Variants in COP1 observed in about 807,000 individuals in gnomAD.
The protein encoded by COP1 is COP1 E3 ubiquitin ligase.
A neutral mutation model predicts 101.3 loss-of-function variants in COP1; 24 were observed. The observed-to-expected ratio is 0.24, with a 90% confidence interval of 0.17 to 0.33. COP1 has a LOEUF of 0.33. COP1 is among the 10% of genes least tolerant of loss of function. The pLI is 1.00. For missense variants in COP1, 663 were observed against 906.2 expected (o/e 0.73, Z 3.45); for synonymous variants, 347 against 341.9 (o/e 1.01, Z -0.17).
chr1:176,048,968 C>T (rs1294271073), intron 11 of COP1, among the ~76,000 whole-genome samples: 1 of 150,016 alleles, frequency 6.7e-6, no homozygotes, highest in African/African-American at 2.5e-5. Context: ...GTCAGGAGAT[C>T]GAGACCATCC....
In COP1 at chr1:175,998,973, A is replaced by T. The variant is rs1245418875; in HGVS notation, c.1730-9494T>A. ...TAAAGATATGCTCCAGTACTTGCAA[A>T]GCAGAGCACAACTGATGGGTTTCTA... On this transcript the variant is annotated intron_variant, in intron 15 of 19. Coordinates refer to ENST00000367669, the MANE Select transcript of COP1 (RefSeq NM_022457.7). Among the ~76,000 whole-genome samples, 3 of 152,106 alleles carry T rather than the reference A, an allele frequency of 2.0e-5. No individual in the cohort carries two copies. In the South Asian group the frequency reaches 6.2e-4, roughly 31 times the overall value.
chr1:176,206,945 C>T lies in COP1; in HGVS notation c.34G>A (p.Ala12Thr). 6.9e-7 allele frequency: 1 copy of T among 1,450,716 alleles called. No homozygotes were observed. The highest frequency in any genetic ancestry group is 9.0e-7 in the Non-Finnish European group (1 of 1,105,486). The allele number at this position is 1,450,716 out of a possible 1,614,324, so 89.9% of individuals were successfully genotyped here. ...GCCGAGGACCCGGGGCTTGTCCCAG[C>T]GGAGCCCGACCCGGCCTGGCGGCTA... ...SGSRQAGSGS[A>T]GTSPGSSAAS... Residue 12 changes from alanine (A) to threonine (T), a missense_variant, in exon 1 of 20, where the codon GCT becomes ACT. Physicochemically the swap from Ala to Thr is moderately conservative, Grantham distance 58 (BLOSUM62 0). Coordinates refer to ENST00000367669, the MANE Select transcript of COP1 (RefSeq NM_022457.7).
chr1:176,108,848 T>C (rs1253233441), intron 9 of COP1, among the ~76,000 whole-genome samples: 1 of 152,170 alleles, frequency 6.6e-6, no homozygotes, highest in Non-Finnish European at 1.5e-5. Flanking sequence ...GAGCGGTGGC[T>C]CATGCCTCTA....
chr1:176,168,327 GATTACAGGCGTGAGCC>G, intron 3 of COP1, among the ~76,000 whole-genome samples: 1 of 150,996 alleles, frequency 6.6e-6, no homozygotes, highest in South Asian at 2.1e-4. Flanking sequence ...AAAGTGCTGG[GATTACAGGCGTGAGCC>G]ACCACCCCTG....
At chr1:175,970,155 A>G (rs921412265) in intron 18 of COP1, among the ~76,000 whole-genome samples, 7 of 152,176 alleles carry the variant, frequency 4.6e-5, no homozygotes, top group Non-Finnish European at 8.8e-5. Context: ...GAAGCATAAC[A>G]AACAATTCAA....
At chr1:176,105,946 A>T (rs969630878) in intron 9 of COP1, among the ~76,000 whole-genome samples, 5 of 152,078 alleles carry the variant, frequency 3.3e-5, no homozygotes, top group Admixed American at 6.6e-5. Flanking sequence ...CTTACTTCTA[A>T]CCTCCAAGCT....
intron 15 of COP1, among the ~76,000 whole-genome samples, chr1:175,997,233 T>C (rs968259378): frequency 9.1e-4 from 138 of 151,702 alleles, no homozygotes; most frequent in Non-Finnish European, 1.2e-3. Context: ...CCTTACACCT[T>C]ATACAAAAAT....
intron 3 of COP1, among the ~76,000 whole-genome samples, chr1:176,171,120 ATC>A (rs1490238732): frequency 4.9e-5 from 5 of 101,878 alleles, no homozygotes; most frequent in African/African-American, 2.0e-4. Flanking sequence ...GCGAGACTCC[ATC>A]TCAAAAAAAA....
intron 5 of COP1, among the ~76,000 whole-genome samples, chr1:176,156,069 T>G (rs1693404710): frequency 1.3e-5 from 2 of 151,958 alleles, no homozygotes; most frequent in Admixed American, 1.3e-4. Context: ...GTATCCTATC[T>G]TCAAAAGCCA....
At chr1:175,966,761 T>TA (rs1369330545) in intron 18 of COP1, among the ~76,000 whole-genome samples, 11 of 152,234 alleles carry the variant, frequency 7.2e-5, no homozygotes, top group African/African-American at 2.7e-4. Context: ...AAAGCCTTGT[T>TA]ACATGGAAAA....
intron 18 of COP1, among the ~76,000 whole-genome samples, chr1:175,985,433 C>A (rs1336009164): frequency 1.3e-5 from 2 of 152,224 alleles, no homozygotes; most frequent in African/African-American, 2.4e-5. Context: ...AGGGTCACCT[C>A]AATTCAATTT....
At chr1:175,992,219 C>G (rs952922764) in intron 15 of COP1, among the ~76,000 whole-genome samples, 2 of 152,184 alleles carry the variant, frequency 1.3e-5, no homozygotes, top group Non-Finnish European at 2.9e-5. Context: ...GTGTTACAAT[C>G]TAATTATACA....
chr1:175,992,900 A>G (rs536326923), intron 15 of COP1, among the ~76,000 whole-genome samples: 5 of 152,202 alleles, frequency 3.3e-5, no homozygotes, highest in African/African-American at 1.2e-4. Flanking sequence ...TGGTTCTCCC[A>G]GCATGCAGCT....
intron 15 of COP1, among the ~76,000 whole-genome samples, chr1:176,006,821 T>C (rs1007590975): frequency 9.2e-5 from 14 of 152,160 alleles, no homozygotes; most frequent in East Asian, 1.9e-4. Context: ...CTGACAATTA[T>C]GTGTCTTGGA....
At chr1:176,071,099 T>G (rs1248996985) in intron 11 of COP1, among the ~76,000 whole-genome samples, 1 of 152,234 alleles carries the variant, frequency 6.6e-6, no homozygotes. Flanking sequence ...TCCATAATGC[T>G]GGAGGTAGGG....
rs191260937 is a variant in COP1 at position 176,203,953 on chromosome 1, G to A, written c.407+2619C>T. 2.6e-3 allele frequency among the ~76,000 whole-genome samples: 399 copies of A among 152,276 alleles called. 3 individuals are homozygous for A. The highest frequency in any genetic ancestry group is 9.2e-3 in the African/African-American group (381 of 41,546). On this transcript the variant is annotated intron_variant, in intron 1 of 19. Transcript: ENST00000367669. Reference sequence around the variant, plus strand: ...CCACCCACCCCAGCCTCCAATTCAGGTACGTCTTCTTGGGATGTGGGCAGG... The same window carrying A: ...CCACCCACCCCAGCCTCCAATTCAGATACGTCTTCTTGGGATGTGGGCAGG...
chr1:176,074,289 G>A (rs1427437015), intron 11 of COP1, among the ~76,000 whole-genome samples: 2 of 152,058 alleles, frequency 1.3e-5, no homozygotes, highest in Admixed American at 6.6e-5. Flanking sequence ...ATTAGAAGGC[G>A]TTGAAGTAAA....
intron 5 of COP1, among the ~76,000 whole-genome samples, chr1:176,156,440 A>C (rs922222370): frequency 2.6e-5 from 4 of 151,982 alleles, no homozygotes; most frequent in Non-Finnish European, 4.4e-5. Flanking sequence ...AAACCGAACT[A>C]TATCAATAAT....
At chr1:176,073,756 G>C (rs1677435252) in intron 11 of COP1, among the ~76,000 whole-genome samples, 1 of 152,152 alleles carries the variant, frequency 6.6e-6, no homozygotes, top group South Asian at 2.1e-4. Flanking sequence ...GAAGGGTATG[G>C]TCTTAACTCC....
Sources: allele counts gnomAD v4.1 joint callset (sites outside exome capture counted in the v4.1 genomes callset), GRCh38; gene constraint gnomAD v4.1.1; transcripts MANE v1.5; gene names NCBI Gene and HGNC (gene_info 2026-07-23, HGNC 2026-07-21).